The following CAMTA1 variants were observed in gnomAD, a reference collection of about 807,000 sequenced individuals.
The protein encoded by CAMTA1 is calmodulin-binding transcription activator 1.
In CAMTA1, 27 loss-of-function variants were observed where a neutral mutation model predicts 170.9. That is an observed-to-expected ratio of 0.16 (90% CI 0.12 to 0.22). The LOEUF is 0.22. Among genes scored for constraint, CAMTA1 ranks in the 10% least tolerant of loss-of-function variants. CAMTA1 has a pLI of 1.00. For missense variants in CAMTA1, 1,619 were observed against 2,217.2 expected (o/e 0.73, Z 5.42); for synonymous variants, 833 against 891.5 (o/e 0.93, Z 1.17).
At chr1:7,432,060 A>G (rs1193219) in intron 5 of CAMTA1, among the ~76,000 whole-genome samples, 69,795 of 152,020 alleles carry the variant, frequency 0.46, 16,648 homozygotes, top group East Asian at 0.67. Flanking sequence ...GGAGAACAAG[A>G]CATAAACCTG....
intron 4 of CAMTA1, among the ~76,000 whole-genome samples, chr1:7,110,235 A>G (rs1236751792): frequency 2.0e-5 from 3 of 151,950 alleles, no homozygotes; most frequent in Non-Finnish European, 4.4e-5. Flanking sequence ...TGGGCCATGT[A>G]ACCCTTTATC....
chr1:7,660,118 AGGCT>A (rs1282490769), intron 7 of CAMTA1, among the ~76,000 whole-genome samples: 2 of 152,240 alleles, frequency 1.3e-5, no homozygotes, highest in East Asian at 3.8e-4. Context: ...CTCATTCCCC[AGGCT>A]GGAGTGCAAT....
At chr1:7,257,665 A>G (rs987787537) in intron 5 of CAMTA1, among the ~76,000 whole-genome samples, 4 of 152,160 alleles carry the variant, frequency 2.6e-5, no homozygotes, top group African/African-American at 9.7e-5. Flanking sequence ...TACACACACA[A>G]GGGAGAATAT....
At chr1:6,994,547 T>C (rs12128446) in intron 3 of CAMTA1, among the ~76,000 whole-genome samples, 16,919 of 152,238 alleles carry the variant, frequency 0.11, 1,170 homozygotes, top group East Asian at 0.2. Context: ...ATTTGTGTTA[T>C]TCCCTGCGGA....
intron 11 of CAMTA1, among the ~76,000 whole-genome samples, chr1:7,709,695 A>T (rs1025390797): frequency 1.3e-5 from 2 of 152,206 alleles, no homozygotes; most frequent in African/African-American, 4.8e-5. Flanking sequence ...TCTCTTTCAT[A>T]TAATACAGCA....
At chr1:7,567,414 G>A (rs1464536768) in intron 6 of CAMTA1, among the ~76,000 whole-genome samples, 1 of 152,272 alleles carries the variant, frequency 6.6e-6, no homozygotes, top group African/African-American at 2.4e-5. Flanking sequence ...AGAAGCAGAG[G>A]TAAGGGACAA....
intron 6 of CAMTA1, among the ~76,000 whole-genome samples, chr1:7,541,566 A>G (rs944203698): frequency 4.6e-5 from 7 of 152,236 alleles, no homozygotes; most frequent in African/African-American, 1.4e-4. Context: ...AATTATTACA[A>G]TGTCGTATTG....
chr1:7,502,792 G>A (rs1305544574), intron 6 of CAMTA1, among the ~76,000 whole-genome samples: 2 of 152,208 alleles, frequency 1.3e-5, no homozygotes, highest in Non-Finnish European at 2.9e-5. Flanking sequence ...GGCTTAGTGG[G>A]GGATGTGTAG....
chr1:7,387,635 CAACT>C (rs1232489858), intron 5 of CAMTA1, among the ~76,000 whole-genome samples: 1 of 152,134 alleles, frequency 6.6e-6, no homozygotes, highest in African/African-American at 2.4e-5. Context: ...AGGTTAGCGT[CAACT>C]AACACACACA....
chr1:7,227,675 G>A (rs777434261), intron 4 of CAMTA1, among the ~76,000 whole-genome samples: 2 of 152,226 alleles, frequency 1.3e-5, no homozygotes, highest in African/African-American at 2.4e-5. Context: ...GTGGGCCAAT[G>A]TTCCTGGGGG....
intron 6 of CAMTA1, among the ~76,000 whole-genome samples, chr1:7,518,951 GC>G (rs1355777906): frequency 6.6e-6 from 1 of 151,996 alleles, no homozygotes; most frequent in Non-Finnish European, 1.5e-5. Context: ...AGGGGAGGGG[GC>G]CCCCGGCCCT....
rs572753804 is a variant in CAMTA1, at chr1:7,320,297, C to G, written c.438+70671C>G. Among the ~76,000 whole-genome samples the G allele has an allele frequency of 8.5e-5, 13 of 152,280 alleles. 1 individual carries two copies. The South Asian group carries it at 1.2e-3, about 15-fold the overall frequency. On this transcript the variant is annotated intron_variant, in intron 5 of 22. Coordinates refer to ENST00000303635, the MANE Select transcript of CAMTA1 (RefSeq NM_015215.4). ...AAGTTCTCTTCTATCCAGCTTTTCT[C>G]AGAGTTTTTGTTTTTTATTGCAAAT...
Position 7,408,124 on chromosome 1 carries a change from C to T in CAMTA1, c.439-59706C>T, listed in dbSNP as rs181816566. Reference sequence around the variant, plus strand: ...CAGGAGGCATCTCAGGGACAGAGCTCATGGTGGTCCTCTGGCCCATGTCAG... The same window carrying T: ...CAGGAGGCATCTCAGGGACAGAGCTTATGGTGGTCCTCTGGCCCATGTCAG... On this transcript the variant is annotated intron_variant, in intron 5 of 22. Transcript: ENST00000303635. Among the ~76,000 whole-genome samples, 632 of 152,310 alleles carry T rather than the reference C, an allele frequency of 4.1e-3. 2 individuals are homozygous for T. The highest frequency in any genetic ancestry group is 6.4e-3 in the Non-Finnish European group (438 of 68,024).
intron 3 of CAMTA1, among the ~76,000 whole-genome samples, chr1:6,982,669 C>T (rs1341516571): frequency 6.6e-6 from 1 of 152,202 alleles, no homozygotes; most frequent in Admixed American, 6.5e-5. Context: ...GCTCCCTGTC[C>T]CCACGCAGTT....
intron 6 of CAMTA1, among the ~76,000 whole-genome samples, chr1:7,598,247 C>G (rs1037036062): frequency 2.0e-5 from 3 of 152,150 alleles, no homozygotes; most frequent in Non-Finnish European, 2.9e-5. Context: ...CATCCGTGTT[C>G]CTACAAAGGA....
intron 3 of CAMTA1, among the ~76,000 whole-genome samples, chr1:6,833,474 A>C (rs566972677): frequency 6.6e-6 from 1 of 152,382 alleles, no homozygotes; most frequent in African/African-American, 2.4e-5. Context: ...AGTTAAATGC[A>C]ATAGATGATG....
intron 3 of CAMTA1, among the ~76,000 whole-genome samples, chr1:6,836,261 A>G (rs1423959478): frequency 1.3e-5 from 2 of 152,264 alleles, no homozygotes; most frequent in Non-Finnish European, 2.9e-5. Context: ...CAAGTGAAGA[A>G]ACAACAAAAA....
intron 3 of CAMTA1, among the ~76,000 whole-genome samples, chr1:6,931,256 G>A (rs1455022499): frequency 1.3e-5 from 2 of 152,110 alleles, no homozygotes; most frequent in Non-Finnish European, 2.9e-5. Context: ...TAGCTTATTT[G>A]GGTATTTTTA....
rs1040178622 is a variant in CAMTA1, at chr1:7,588,272, C to A, written c.511-52128C>A. Among the ~76,000 whole-genome samples the A allele has an allele frequency of 2.0e-5, 3 of 152,118 alleles. No homozygotes were observed. Among genetic ancestry groups the A allele is most frequent in the African/African-American group, 2.4e-5 (1 of 41,378 alleles). The stretch of plus-strand genomic sequence containing the variant: ...CCCCAGTTCTCACTGCCTCTGACAC[C>A]CACGCTGGTGTGGCCCTGCTGGGGA... On this transcript the variant is annotated intron_variant, in intron 6 of 22. Coordinates refer to ENST00000303635, the MANE Select transcript of CAMTA1 (RefSeq NM_015215.4). This position sits in a 1 kb window ranked among gnomAD's most constrained non-coding sequence, Gnocchi z 5.8.
Sources: gnomAD v4.1 joint callset for allele counts (sites outside exome capture counted in the v4.1 genomes callset) on GRCh38, gnomAD v4.1.1 for gene constraint, Gnocchi (gnomAD v3.1) non-coding constraint, MANE v1.5 for transcripts, NCBI Gene and HGNC (gene_info 2026-07-23, HGNC 2026-07-21) for gene names.